The following RAD9B variants were observed in gnomAD, a reference collection of about 807,000 sequenced individuals.
RAD9B encodes the protein RAD9 checkpoint clamp component B, also known as cell cycle checkpoint control protein RAD9B.
A neutral mutation model predicts 48.3 loss-of-function variants in RAD9B; 41 were observed. That is an observed-to-expected ratio of 0.85 (90% CI 0.66 to 1.10). The LOEUF (loss-of-function observed/expected upper bound fraction) is 1.10. RAD9B is among the 50% of genes least tolerant of loss of function. The pLI is 0.00. For missense variants in RAD9B, 444 were observed against 485.1 expected (o/e 0.92, Z 0.80); for synonymous variants, 160 against 157.9 (o/e 1.01, Z -0.10).
At chr12:110,528,730 T>C (rs1410302847) in intron 10 of RAD9B, among the ~76,000 whole-genome samples, 1 of 152,236 alleles carries the variant, frequency 6.6e-6, no homozygotes, top group Non-Finnish European at 1.5e-5. Context: ...AAGCTTTTTT[T>C]GTTGTTTTTG....
intron 2 of RAD9B, among the ~76,000 whole-genome samples, chr12:110,504,755 G>A (rs1368586693): frequency 1.3e-5 from 2 of 152,120 alleles, no homozygotes; most frequent in Admixed American, 6.6e-5. Context: ...CCAGCACTTT[G>A]GGAGGCTGAG....
intron 10 of RAD9B, 103 bp from the exon 11 acceptor site, chr12:110,530,422 G>T: frequency 1.0e-6 from 1 of 1,004,900 alleles, no homozygotes; most frequent in Non-Finnish European, 1.5e-6. Context: ...CAAAGACAGG[G>T]ATATAATACT....
intron 6 of RAD9B, among the ~76,000 whole-genome samples, chr12:110,516,998 A>G (rs2063618076): frequency 1.3e-5 from 2 of 152,034 alleles, no homozygotes; most frequent in African/African-American, 4.8e-5. Context: ...TTTAGATCTC[A>G]CAACAGGAGA....
chr12:110,511,175 AT>A (rs1389513509), intron 4 of RAD9B, among the ~76,000 whole-genome samples: 3 of 152,098 alleles, frequency 2.0e-5, no homozygotes, highest in African/African-American at 4.8e-5. Flanking sequence ...TATTTTGGAG[AT>A]TTCTTAAAAA....
intron 4 of RAD9B, chr12:110,508,242 C>T (rs1240131343): frequency 5.9e-6 from 1 of 169,198 alleles, no homozygotes. Flanking sequence ...TCATGCCTAC[C>T]CACAAGTTAC....
intron 1 of RAD9B, chr12:110,502,789 C>T (rs997533573): frequency 1.2e-5 from 2 of 166,726 alleles, no homozygotes; most frequent in African/African-American, 4.8e-5. Flanking sequence ...TTGGAAAAGT[C>T]ACTAAATCTC....
At chr12:110,519,000 T>C (rs1199343555) in intron 8 of RAD9B, 62 bp downstream of exon 8, 2 of 1,110,676 alleles carry the variant, frequency 1.8e-6, no homozygotes, top group African/African-American at 1.6e-5. Flanking sequence ...ACAAAACCTT[T>C]TGGATCACTT....
chr12:110,502,630 C>A, intron 1 of RAD9B: 1 of 518,314 alleles, frequency 1.9e-6, no homozygotes, highest in Non-Finnish European at 3.4e-6. Flanking sequence ...TACCATCGGG[C>A]CACAAACTCG....
rs773174964 is a variant in RAD9B, at chr12:110,530,663, A to G, written c.*10A>G. On this transcript the variant is annotated 3_prime_UTR_variant, in exon 11 of 11. Coordinates refer to ENST00000409300, the MANE Select transcript of RAD9B (RefSeq NM_001286535.2). The stretch of plus-strand genomic sequence containing the variant: ...TTTCTCTATATTCTAATGCTTAATG[A>G]TGGCTGAGCTGGGCCCCAGCCCAGT... 10 of 1,613,470 alleles carry G rather than the reference A, an allele frequency of 6.2e-6. No homozygotes were observed. The highest frequency in any genetic ancestry group is 1.1e-5 in the South Asian group (1 of 91,072).
In RAD9B at chr12:110,506,333, C is replaced by T. The variant is rs546340785; in HGVS notation, c.274-246C>T. ...CCTCCCGAGTAGCTGGGACTACAGG[C>T]GCCCGCCACTACGCCTGGCTAATTT... is the stretch of plus-strand genomic sequence containing the variant. On this transcript the variant is annotated intron_variant, in intron 3 of 10. Coordinates refer to ENST00000409300, the MANE Select transcript of RAD9B (RefSeq NM_001286535.2). Among the ~76,000 whole-genome samples, 6 of 151,926 alleles carry T rather than the reference C, an allele frequency of 3.9e-5. No homozygotes were observed. In the East Asian group the frequency reaches 5.8e-4, roughly 15 times the overall value.
At chr12:110,502,527 AAGTCCCTGTTAACTTCTG>A in intron 1 of RAD9B, 144 bp downstream of exon 1, 1 of 884,528 alleles carries the variant, frequency 1.1e-6, no homozygotes, top group Non-Finnish European at 1.8e-6. Context: ...CCACCCACTC[AAGTCCCTGTTAACTTCTG>A]AGGGGAGGAT....
intron 9 of RAD9B, 123 bp from the exon 10 acceptor site, chr12:110,522,054 C>A: frequency 1.6e-6 from 1 of 634,942 alleles, no homozygotes; most frequent in Non-Finnish European, 2.7e-6. Flanking sequence ...CAATTTAGTT[C>A]CATGTATTTC....
chr12:110,510,806 T>G (rs1369420266), intron 4 of RAD9B, among the ~76,000 whole-genome samples: 1 of 152,102 alleles, frequency 6.6e-6, no homozygotes, highest in East Asian at 1.9e-4. Flanking sequence ...ATACAAAAAT[T>G]AGCCAGGTGT....
chr12:110,510,328 G>T (rs1320230430), intron 4 of RAD9B, among the ~76,000 whole-genome samples: 1 of 152,056 alleles, frequency 6.6e-6, no homozygotes, highest in Non-Finnish European at 1.5e-5. Flanking sequence ...CCCTTATGTG[G>T]TAGATCACAA....
intron 4 of RAD9B, among the ~76,000 whole-genome samples, chr12:110,507,620 ATAT>A (rs1270789481): frequency 2.0e-5 from 3 of 146,420 alleles, no homozygotes; most frequent in African/African-American, 7.5e-5. Context: ...TATATACATA[ATAT>A]TATATACATA....
At position 110,531,545 on chromosome 12, in the gene RAD9B, A is replaced by C. The variant is rs779641194; in HGVS notation, c.*892A>C. On this transcript the variant is annotated 3_prime_UTR_variant, in exon 11 of 11. Transcript: ENST00000409300. Reference sequence around the variant, plus strand: ...TATTTCCTAACCTCAAATTGTTCTGATTTTCAGATGTGATTTTTTATTTTG... The same window carrying C: ...TATTTCCTAACCTCAAATTGTTCTGCTTTTCAGATGTGATTTTTTATTTTG... The C allele has an allele frequency of 6.8e-7, 1 of 1,461,016 alleles. No individual in the cohort carries two copies. Among genetic ancestry groups the C allele is most frequent in the Admixed American group, 1.7e-5 (1 of 57,952 alleles). The allele number at this position is 1,461,016 out of a possible 1,614,324, so 90.5% of individuals were successfully genotyped here. A position where few individuals can be genotyped will look rare whatever the true frequency, so the allele number is the denominator to read the frequency against.
intron 6 of RAD9B, among the ~76,000 whole-genome samples, chr12:110,517,118 G>C (rs974002236): frequency 6.6e-6 from 1 of 151,874 alleles, no homozygotes; most frequent in Non-Finnish European, 1.5e-5. Flanking sequence ...AGGATTGCTT[G>C]AGGCCAGGAG....
intron 5 of RAD9B, 43 bp downstream of exon 5, chr12:110,512,921 T>A: frequency 1.0e-6 from 1 of 966,600 alleles, no homozygotes; most frequent in Non-Finnish European, 1.6e-6. Flanking sequence ...CTGAATACAG[T>A]ATGATCATGG....
At chr12:110,521,835 C>T (rs1005404473) in intron 9 of RAD9B, among the ~76,000 whole-genome samples, 18 of 152,102 alleles carry the variant, frequency 1.2e-4, no homozygotes, top group African/African-American at 4.1e-4. Flanking sequence ...GGATTACAGG[C>T]GTGAGCCACC....
Sources: allele counts gnomAD v4.1 joint callset (sites outside exome capture counted in the v4.1 genomes callset), GRCh38; gene constraint gnomAD v4.1.1; transcripts MANE v1.5; gene names NCBI Gene and HGNC (gene_info 2026-07-23, HGNC 2026-07-21).